Variants in CALCRL observed in about 807,000 individuals in gnomAD.
The protein encoded by CALCRL is calcitonin gene-related peptide type 1 receptor.
A neutral mutation model predicts 60.4 loss-of-function variants in CALCRL; 27 were observed. The observed-to-expected ratio is 0.45, with a 90% CI of 0.33 to 0.62. CALCRL has a LOEUF of 0.62. Among genes scored for constraint, CALCRL ranks in the 20% least tolerant of loss-of-function variants. CALCRL has a pLI of 0.03. For synonymous variants in CALCRL, 190 were observed against 182.6 expected (o/e 1.04, Z -0.33); for missense variants, 424 against 540.7 (o/e 0.78, Z 2.14).
chr2:187,430,755 G>T (rs1426734641), intron 1 of CALCRL, among the ~76,000 whole-genome samples: 1 of 151,948 alleles, frequency 6.6e-6, no homozygotes, highest in African/African-American at 2.4e-5. Context: ...TTATGAAAAA[G>T]TTTTACATCC....
Position 187,447,681 on chromosome 2 carries a change from G to A in CALCRL, c.-293+358C>T, listed in dbSNP as rs138567113. Among the ~76,000 whole-genome samples the A allele has an allele frequency of 3.3e-5, 5 of 152,022 alleles. No individual in the cohort carries two copies. The East Asian group carries it at 9.7e-4, about 29-fold the overall frequency. Reference sequence around the variant, plus strand: ...TGGAAAGTTTAAAGACCCTTCCGGGGGGAGAAATGTTTTCCAGTTGTCAAG... The same window carrying A: ...TGGAAAGTTTAAAGACCCTTCCGGGAGGAGAAATGTTTTCCAGTTGTCAAG... On this transcript the variant is annotated intron_variant, in intron 1 of 14. Transcript: ENST00000392370.
intron 10 of CALCRL, among the ~76,000 whole-genome samples, chr2:187,359,531 C>T (rs1271168235): frequency 6.6e-6 from 1 of 152,052 alleles, no homozygotes; most frequent in East Asian, 1.9e-4. Context: ...AATCAGTGGA[C>T]TTCAGAGCTT....
intron 14 of CALCRL, among the ~76,000 whole-genome samples, chr2:187,347,986 A>G (rs1256597883): frequency 6.6e-6 from 1 of 151,740 alleles, no homozygotes; most frequent in South Asian, 2.1e-4. Flanking sequence ...AGCCCTTTCA[A>G]GCTCAATTTA....
intron 1 of CALCRL, among the ~76,000 whole-genome samples, chr2:187,425,737 C>G (rs1293278193): frequency 6.6e-6 from 1 of 151,934 alleles, no homozygotes; most frequent in Non-Finnish European, 1.5e-5. Flanking sequence ...GAGCAGTGTG[C>G]TTCAAGTTTT....
At chr2:187,419,023 A>AT (rs33929530) in intron 1 of CALCRL, among the ~76,000 whole-genome samples, 1,406 of 85,940 alleles carry the variant, frequency 0.016, 24 homozygotes, top group African/African-American at 0.06. Context: ...CGTCTGGCTA[A>AT]TTTTTTTTTT....
intron 12 of CALCRL, among the ~76,000 whole-genome samples, chr2:187,352,764 T>C (rs1040340607): frequency 4.0e-5 from 6 of 151,872 alleles, no homozygotes; most frequent in Non-Finnish European, 8.8e-5. Flanking sequence ...ACTTTCTAAA[T>C]GTATATTATA....
At chr2:187,351,625 G>A (rs1348058978) in intron 14 of CALCRL, among the ~76,000 whole-genome samples, 2 of 151,746 alleles carry the variant, frequency 1.3e-5, no homozygotes, top group African/African-American at 4.8e-5. Flanking sequence ...CTGTATCTGG[G>A]GAAAAGCTCA....
intron 1 of CALCRL, among the ~76,000 whole-genome samples, chr2:187,401,616 T>C (rs2105825091): frequency 6.6e-6 from 1 of 151,782 alleles, no homozygotes; most frequent in South Asian, 2.1e-4. Flanking sequence ...TCCCTTAATT[T>C]TAGATAGGAT....
At chr2:187,368,941 GA>G (rs1228267747) in intron 8 of CALCRL, among the ~76,000 whole-genome samples, 5 of 152,076 alleles carry the variant, frequency 3.3e-5, no homozygotes, top group Non-Finnish European at 1.5e-5. Flanking sequence ...CAAGTTGATG[GA>G]ATCACATGTT....
At chr2:187,416,359 C>T (rs13401762) in intron 1 of CALCRL, among the ~76,000 whole-genome samples, 5,876 of 152,220 alleles carry the variant, frequency 0.039, 359 homozygotes, top group African/African-American at 0.13. Flanking sequence ...AGAGTTACCA[C>T]GTCATACTGA....
chr2:187,411,985 A>AG (rs1258149156), intron 1 of CALCRL, among the ~76,000 whole-genome samples: 2 of 150,958 alleles, frequency 1.3e-5, no homozygotes, highest in Non-Finnish European at 3.0e-5. Context: ...TCTCAAAAAA[A>AG]AAAAAAAAAA....
chr2:187,348,484 T>G (rs988898857), intron 14 of CALCRL, among the ~76,000 whole-genome samples: 18 of 151,752 alleles, frequency 1.2e-4, no homozygotes, highest in Admixed American at 1.1e-3. Context: ...TGAGAGGAAG[T>G]AATATCTTAG....
At chr2:187,350,521 T>C (rs1686481136) in intron 14 of CALCRL, among the ~76,000 whole-genome samples, 1 of 151,346 alleles carries the variant, frequency 6.6e-6, no homozygotes, top group Non-Finnish European at 1.5e-5. Context: ...GTATGAAATA[T>C]AGTCTACAAT....
At chr2:187,373,335 A>G (rs1057514672) in intron 8 of CALCRL, among the ~76,000 whole-genome samples, 1 of 152,194 alleles carries the variant, frequency 6.6e-6, no homozygotes, top group African/African-American at 2.4e-5. Flanking sequence ...AAATTCCTTA[A>G]TATTGATTCA....
rs886164449 is a variant in CALCRL, at chr2:187,396,455, T to G, written c.-292-8699A>C. ...GCTTAATGCTTATAGGACTAGAAAT[T>G]AACATTTTCTGAATTTTGGCTACAT... is the stretch of plus-strand genomic sequence containing the variant. On this transcript the variant is annotated intron_variant, in intron 1 of 14. Coordinates refer to ENST00000392370, the MANE Select transcript of CALCRL (RefSeq NM_005795.6). 3.3e-5 allele frequency among the ~76,000 whole-genome samples: 5 copies of G among 151,880 alleles called. No individual in the cohort carries two copies. The East Asian group carries it at 7.8e-4, about 24-fold the overall frequency.
chr2:187,397,631 AAC>A (rs1688717875), intron 1 of CALCRL, among the ~76,000 whole-genome samples: 2 of 151,562 alleles, frequency 1.3e-5, no homozygotes, highest in Non-Finnish European at 3.0e-5. Flanking sequence ...CTTTTAGTGT[AAC>A]CATCACCTGA....
chr2:187,349,168 G>A (rs1686414962), intron 14 of CALCRL, among the ~76,000 whole-genome samples: 2 of 151,576 alleles, frequency 1.3e-5, no homozygotes, highest in South Asian at 2.1e-4. Context: ...CTCAGGTGTT[G>A]TTAAATATAA....
chr2:187,367,497 A>G (rs567498663), intron 8 of CALCRL, among the ~76,000 whole-genome samples: 2 of 152,246 alleles, frequency 1.3e-5, no homozygotes, highest in African/African-American at 4.8e-5. Context: ...AAACATATTC[A>G]TTAACACATG....
intron 1 of CALCRL, among the ~76,000 whole-genome samples, chr2:187,416,016 T>G (rs974642739): frequency 1.3e-5 from 2 of 152,148 alleles, no homozygotes; most frequent in Non-Finnish European, 2.9e-5. Flanking sequence ...GACCTCGTCA[T>G]GTACCATCAA....
Sources: allele counts gnomAD v4.1 joint callset (sites outside exome capture counted in the v4.1 genomes callset), GRCh38; gene constraint gnomAD v4.1.1; transcripts MANE v1.5; gene names NCBI Gene and HGNC (gene_info 2026-07-23, HGNC 2026-07-21).